The following CTNNA3 variants were observed in gnomAD, a reference collection of about 807,000 sequenced individuals.
CTNNA3 encodes the protein catenin alpha 3, also known as catenin alpha-3.
A neutral mutation model predicts 95.7 loss-of-function variants in CTNNA3; 76 were observed. That is an observed-to-expected ratio of 0.79 (90% CI 0.66 to 0.96). The LOEUF is 0.96. Among genes scored for constraint, CTNNA3 ranks in the 40% least tolerant of loss-of-function variants. CTNNA3 has a pLI of 0.00. For missense variants in CTNNA3, 1,191 were observed against 1,089.8 expected, an observed-to-expected ratio of 1.09 and a Z score of -1.31; for synonymous variants, 431 against 374.4, an observed-to-expected ratio of 1.15 and a Z score of -1.74.
At chr10:67,223,837 A>G (rs751612488) in intron 5 of CTNNA3, among the ~76,000 whole-genome samples, 4 of 152,226 alleles carry the variant, frequency 2.6e-5, no homozygotes, top group African/African-American at 2.4e-5. Flanking sequence ...ACAAATAAAC[A>G]CATTTACATG....
At chr10:66,523,984 T>C (rs1185248781) in intron 10 of CTNNA3, among the ~76,000 whole-genome samples, 1 of 152,168 alleles carries the variant, frequency 6.6e-6, no homozygotes, top group Non-Finnish European at 1.5e-5. Flanking sequence ...GTAATAATCT[T>C]ACTCATTTTA....
intron 1 of CTNNA3, among the ~76,000 whole-genome samples, chr10:67,739,773 C>A (rs1014958098): frequency 2.0e-5 from 3 of 152,140 alleles, no homozygotes; most frequent in Non-Finnish European, 4.4e-5. Context: ...CATCAAGCTG[C>A]CAATGACTTT....
chr10:66,628,872 T>A (rs886321200), intron 9 of CTNNA3, among the ~76,000 whole-genome samples: 2 of 152,108 alleles, frequency 1.3e-5, no homozygotes, highest in Admixed American at 6.6e-5. Flanking sequence ...TATAGTTAGA[T>A]GTGTAGTTAA....
At chr10:66,427,890 T>G (rs10997115) in intron 11 of CTNNA3, among the ~76,000 whole-genome samples, 17,824 of 152,082 alleles carry the variant, frequency 0.12, 1,510 homozygotes, top group African/African-American at 0.24. Flanking sequence ...AGGATCAAAT[T>G]CACACATAAC....
At chr10:67,555,023 A>G (rs959341667) in intron 3 of CTNNA3, among the ~76,000 whole-genome samples, 4 of 152,144 alleles carry the variant, frequency 2.6e-5, no homozygotes, top group African/African-American at 9.7e-5. Context: ...TCCTTTCCCT[A>G]TTTCTTGTTT....
At chr10:66,638,540 T>C (rs536575500) in intron 9 of CTNNA3, among the ~76,000 whole-genome samples, 1 of 152,294 alleles carries the variant, frequency 6.6e-6, no homozygotes, top group East Asian at 1.9e-4. Flanking sequence ...ATTAATAGGC[T>C]AAAATCTGTT....
chr10:67,450,860 G>T (rs1012114146), intron 5 of CTNNA3, among the ~76,000 whole-genome samples: 1 of 151,642 alleles, frequency 6.6e-6, no homozygotes, highest in Non-Finnish European at 1.5e-5. Context: ...TATATAAATT[G>T]TATGTAATTT....
At chr10:67,417,510 G>A (rs868474300) in intron 5 of CTNNA3, among the ~76,000 whole-genome samples, 17 of 152,152 alleles carry the variant, frequency 1.1e-4, no homozygotes, top group Middle Eastern at 6.8e-3. Context: ...TATTATCAAG[G>A]TGTAAGTTTT....
intron 10 of CTNNA3, among the ~76,000 whole-genome samples, chr10:66,614,554 C>G (rs1430134311): frequency 6.6e-6 from 1 of 151,926 alleles, no homozygotes; most frequent in Non-Finnish European, 1.5e-5. Flanking sequence ...ACTTTCTTCC[C>G]TACTTATCAA....
chr10:67,000,738 T>A (rs184619400), intron 7 of CTNNA3, among the ~76,000 whole-genome samples: 5 of 152,232 alleles, frequency 3.3e-5, no homozygotes. Context: ...ATACAAGTCC[T>A]CCCTCACCCC....
chr10:66,286,589 G>C (rs1426728515), intron 12 of CTNNA3, among the ~76,000 whole-genome samples: 1 of 151,968 alleles, frequency 6.6e-6, no homozygotes, highest in Non-Finnish European at 1.5e-5. Context: ...GTACTCAGAG[G>C]GTATCCTGAA....
chr10:66,978,459 G>A (rs113977773), intron 7 of CTNNA3, among the ~76,000 whole-genome samples: 147 of 145,990 alleles, frequency 1.0e-3, no homozygotes, highest in African/African-American at 3.5e-3. Context: ...CCTGGGAGGC[G>A]GAGGTTGCAG....
rs550865484 is a variant in CTNNA3, at chr10:67,566,710, A to G, written c.293-27041T>C. 3.9e-5 allele frequency among the ~76,000 whole-genome samples: 6 copies of G among 152,224 alleles called. No homozygotes were observed. In the East Asian group the frequency reaches 1.2e-3, roughly 30 times the overall value. ...GACTATAAATCATGCTGCTATAAAGACACATGCACATGTATGTTTATTGCG... is the reference window on the plus strand; with the variant it reads ...GACTATAAATCATGCTGCTATAAAGGCACATGCACATGTATGTTTATTGCG... On this transcript the variant is annotated intron_variant, in intron 3 of 17. Coordinates refer to ENST00000433211, the MANE Select transcript of CTNNA3 (RefSeq NM_013266.4).
chr10:67,577,621 G>A (rs563535393), intron 3 of CTNNA3, among the ~76,000 whole-genome samples: 3 of 151,386 alleles, frequency 2.0e-5, no homozygotes, highest in African/African-American at 4.9e-5. Flanking sequence ...GAATGGTAAT[G>A]CCTAGGTTTT....
intron 12 of CTNNA3, among the ~76,000 whole-genome samples, chr10:66,348,286 C>T (rs2132381848): frequency 6.6e-6 from 1 of 152,190 alleles, no homozygotes; most frequent in South Asian, 2.1e-4. Context: ...AAAGAACAGG[C>T]TTTGAACAGC....
At chr10:66,137,438 G>T (rs903838316) in intron 13 of CTNNA3, among the ~76,000 whole-genome samples, 1 of 151,998 alleles carries the variant, frequency 6.6e-6, no homozygotes, top group East Asian at 1.9e-4. Flanking sequence ...AAACCAAGAG[G>T]CATGACAAGA....
intron 5 of CTNNA3, among the ~76,000 whole-genome samples, chr10:67,350,238 A>C (rs1446584760): frequency 1.3e-5 from 2 of 152,060 alleles, no homozygotes; most frequent in African/African-American, 4.8e-5. Flanking sequence ...GCCCTTAACT[A>C]CTAGACCATA....
chr10:66,954,543 T>C lies in CTNNA3; in HGVS notation c.1048-179019A>G, dbSNP rs556357961. ...ACCTCTTAGGGCAAACTGTAGGCAC[T>C]GGTCATGCCCCATGGATGAATATGA... is the stretch of plus-strand genomic sequence containing the variant. On this transcript the variant is annotated intron_variant, in intron 7 of 17. Coordinates refer to ENST00000433211, the MANE Select transcript of CTNNA3 (RefSeq NM_013266.4). Among the ~76,000 whole-genome samples, 4 of 152,318 alleles carry C rather than the reference T, an allele frequency of 2.6e-5. No homozygotes were observed. In the East Asian group the frequency reaches 5.8e-4, roughly 22 times the overall value.
intron 12 of CTNNA3, among the ~76,000 whole-genome samples, chr10:66,309,877 G>C (rs1272484177): frequency 1.3e-5 from 2 of 148,882 alleles, no homozygotes; most frequent in African/African-American, 4.9e-5. Context: ...AGCCAACATG[G>C]TGAAACCCCG....
Sources: allele counts gnomAD v4.1 joint callset (sites outside exome capture counted in the v4.1 genomes callset), GRCh38; gene constraint gnomAD v4.1.1; transcripts MANE v1.5; gene names NCBI Gene and HGNC (gene_info 2026-07-23, HGNC 2026-07-21).